The following MAN2B2 variants were observed in gnomAD, a reference collection of about 807,000 sequenced individuals.
MAN2B2 encodes the protein epididymis-specific alpha-mannosidase.
MAN2B2 carries 106 observed loss-of-function variants against 117.1 expected under a neutral mutation model. The observed-to-expected ratio is 0.90, with a 90% CI of 0.77 to 1.06. The LOEUF is 1.06. Ranked by LOEUF, MAN2B2 falls within the 50% of genes least tolerant of loss-of-function variation. The probability of loss-of-function intolerance (pLI) is 0.00; values close to 1 mark genes in which losing one functional copy is unlikely to be tolerated. For missense variants in MAN2B2, 1,326 were observed against 1,381.4 expected (o/e 0.96, Z 0.64); for synonymous variants, 544 against 595.1 (o/e 0.91, Z 1.25).
At chr4:6,608,211 G>C (rs1727623075) in intron 11 of MAN2B2, among the ~76,000 whole-genome samples, 1 of 152,156 alleles carries the variant, frequency 6.6e-6, no homozygotes, top group Non-Finnish European at 1.5e-5. Context: ...CCCTGGGGGA[G>C]CTTTTTAAAA....
In MAN2B2 at chr4:6,598,354, G is replaced by T. The variant is rs368166995; in HGVS notation, c.1405G>T (p.Asp469Tyr). 1 of 1,611,314 alleles carries T rather than the reference G, an allele frequency of 6.2e-7. No homozygotes were observed. Among genetic ancestry groups the T allele is most frequent in the Non-Finnish European group, 8.5e-7 (1 of 1,178,806 alleles). ...CCAGGCACCCATGGCGGCCAGCTCC[G>T]GTGAGCAGGGCCCTGCAGGGAGGCT... is the stretch of plus-strand genomic sequence containing the variant. Reference protein sequence around the residue: ...QPQAPMAASSDAGPAGHFASV... With the variant: ...QPQAPMAASSYAGPAGHFASV... The change falls in exon 9 of 19, where the codon GAT becomes TAT. Residue 469 changes from aspartate (D) to tyrosine (Y), a missense_variant and splice_region_variant. Asp to Tyr is a radical substitution (Grantham distance 160). Transcript: ENST00000285599.
chr4:6,602,814 G>A (rs1021453664), intron 10 of MAN2B2, among the ~76,000 whole-genome samples: 1 of 152,036 alleles, frequency 6.6e-6, no homozygotes, highest in Admixed American at 6.6e-5. Context: ...GGGACCACAG[G>A]TGCACACCAC....
chr4:6,601,673 A>C (rs1407074376), intron 10 of MAN2B2, among the ~76,000 whole-genome samples: 7 of 152,164 alleles, frequency 4.6e-5, no homozygotes, highest in Non-Finnish European at 8.8e-5. Flanking sequence ...TCCACAGCAT[A>C]AGCTCAGATA....
At chr4:6,611,025 G>A (rs769104585) in intron 14 of MAN2B2, 35 bp downstream of exon 14, 9 of 1,613,272 alleles carry the variant, frequency 5.6e-6, no homozygotes, top group Non-Finnish European at 6.8e-6. Context: ...GCAGCCCCTC[G>A]CGGCCCCCTA....
In MAN2B2 at chr4:6,590,875, G is replaced by A. The variant is rs573905307; in HGVS notation, c.680+1715G>A. 2.6e-5 allele frequency among the ~76,000 whole-genome samples: 4 copies of A among 151,958 alleles called. No individual in the cohort carries two copies. The East Asian group carries it at 7.7e-4, about 29-fold the overall frequency. The stretch of plus-strand genomic sequence containing the variant: ...TGAAGAAGGCCGGAGGAGGCCAGGC[G>A]CAGTGGCTCACACCTGTAATCCCAG... On this transcript the variant is annotated intron_variant, in intron 5 of 18. Transcript: ENST00000285599.
intron 2 of MAN2B2, among the ~76,000 whole-genome samples, chr4:6,577,678 G>A (rs1009605854): frequency 6.6e-6 from 1 of 152,240 alleles, no homozygotes; most frequent in African/African-American, 2.4e-5. Context: ...GGCCTTTCCA[G>A]GATATCCTGT....
chr4:6,583,728 G>T (rs1726531680), intron 3 of MAN2B2, among the ~76,000 whole-genome samples: 1 of 152,150 alleles, frequency 6.6e-6, no homozygotes, highest in Admixed American at 6.5e-5. Context: ...GAGAAAGAAA[G>T]GAAAATATGC....
At position 6,610,953 on chromosome 4, in the gene MAN2B2, C is replaced by A; in HGVS notation, c.2333C>A (p.Ala778Glu). 1 of 1,614,192 alleles carries A rather than the reference C, an allele frequency of 6.2e-7. No homozygotes were observed. The highest frequency in any genetic ancestry group is 1.1e-5 in the South Asian group (1 of 91,090). The change falls in exon 14 of 19, where the codon GCA becomes GAA. Residue 778 changes from alanine to glutamate, a missense_variant. Physicochemically the swap from Ala to Glu is moderately radical, Grantham distance 107. Coordinates refer to ENST00000285599, the MANE Select transcript of MAN2B2 (RefSeq NM_015274.3). Reference sequence around the variant, plus strand: ...AGGCTTGTGTTGCTGTCGGAGCGGGCACATGGCATCTCCAGCCAAGGGAAT... The same window carrying A: ...AGGCTTGTGTTGCTGTCGGAGCGGGAACATGGCATCTCCAGCCAAGGGAAT... Reference protein sequence around the residue: ...KSRLVLLSERAHGISSQGNGQ... With the variant: ...KSRLVLLSEREHGISSQGNGQ...
chr4:6,586,209 G>A (rs771244620), intron 3 of MAN2B2, among the ~76,000 whole-genome samples: 20 of 152,044 alleles, frequency 1.3e-4, no homozygotes, highest in Non-Finnish European at 8.8e-5. Flanking sequence ...CCACCACCAC[G>A]CCTGGCTAAT....
intron 3 of MAN2B2, among the ~76,000 whole-genome samples, chr4:6,579,561 CATTACT>C (rs1338797039): frequency 6.7e-6 from 1 of 150,280 alleles, no homozygotes; most frequent in East Asian, 2.0e-4. Flanking sequence ...CTACCACTAC[CATTACT>C]ACCACTACCA....
chr4:6,586,298 C>T (rs779213425), intron 3 of MAN2B2, among the ~76,000 whole-genome samples: 5 of 152,024 alleles, frequency 3.3e-5, no homozygotes, highest in African/African-American at 4.8e-5. Context: ...TGGGCTCAAG[C>T]GATCCTCCCA....
intron 17 of MAN2B2, 139 bp downstream of exon 17, chr4:6,617,631 T>C (rs1242492827): frequency 1.3e-6 from 2 of 1,501,526 alleles, no homozygotes; most frequent in African/African-American, 2.8e-5. Context: ...CCCGCCCTTC[T>C]TCATGGTCTT....
At chr4:6,610,821 T>C in intron 13 of MAN2B2, 59 bp from the exon 14 acceptor site, 1 of 1,483,790 alleles carries the variant, frequency 6.7e-7, no homozygotes, top group Non-Finnish European at 9.4e-7. Flanking sequence ...CAGAGGGTGA[T>C]GCCTGACCTA....
rs143506254 is a variant in MAN2B2 at position 6,594,618 on chromosome 4, G to A, written c.943G>A (p.Glu315Lys). 210 of 1,613,480 alleles carry A rather than the reference G, an allele frequency of 1.3e-4. 1 individual carries two copies. The highest frequency in any genetic ancestry group is 1.5e-4 in the Non-Finnish European group (180 of 1,179,952). The change falls in exon 7 of 19, where the codon GAG becomes AAG. Residue 315 changes from glutamate (E) to lysine (K), a missense_variant. By Grantham distance (56) the Glu-to-Lys change is moderately conservative. Coordinates refer to ENST00000285599, the MANE Select transcript of MAN2B2 (RefSeq NM_015274.3). ...GGACCACATCAACAGCCATGCTGCC[G>A]AGCTCGGTGTCTCGGTGCAGTATGC... ...LLDHINSHAA[E>K]LGVSVQYATL...
intron 18 of MAN2B2, chr4:6,620,299 C>A (rs1330470935): frequency 1.0e-5 from 4 of 384,632 alleles, no homozygotes; most frequent in Non-Finnish European, 1.5e-5. Context: ...AGACCACACG[C>A]CCTGCCTGTG....
intron 12 of MAN2B2, 177 bp from the exon 13 acceptor site, chr4:6,609,621 C>A: frequency 1.3e-6 from 1 of 770,008 alleles, no homozygotes; most frequent in South Asian, 1.8e-5. Flanking sequence ...GGGAACCAGG[C>A]TGCTCCCAGC....
chr4:6,593,652 G>C (rs961302885), intron 6 of MAN2B2, among the ~76,000 whole-genome samples: 2 of 152,218 alleles, frequency 1.3e-5, no homozygotes, highest in Non-Finnish European at 2.9e-5. Context: ...TTGAGCTTCA[G>C]TTGCCTCCGC....
At chr4:6,606,563 C>A (rs139999068) in intron 11 of MAN2B2, among the ~76,000 whole-genome samples, 1 of 152,254 alleles carries the variant, frequency 6.6e-6, no homozygotes, top group Non-Finnish European at 1.5e-5. Context: ...GGGTCCCACC[C>A]GGCATTTCCA....
chr4:6,619,097 G>A (rs1249325861), intron 17 of MAN2B2: 1 of 152,332 alleles, frequency 6.6e-6, no homozygotes, highest in African/African-American at 2.4e-5. Flanking sequence ...TGCCCAACGT[G>A]GACGGTGGTG....
Sources: gnomAD v4.1 joint callset for allele counts (sites outside exome capture counted in the v4.1 genomes callset) on GRCh38, gnomAD v4.1.1 for gene constraint, MANE v1.5 for transcripts, NCBI Gene and HGNC (gene_info 2026-07-23, HGNC 2026-07-21) for gene names.